Variants in SCARB1 observed in about 807,000 individuals in gnomAD.
SCARB1 encodes scavenger receptor class B member 1.
In SCARB1, 30 loss-of-function variants were observed where a neutral mutation model predicts 57.2. The ratio of observed to expected loss-of-function variants is 0.52; its 90% confidence interval spans 0.39 to 0.71. The LOEUF (loss-of-function observed/expected upper bound fraction) is 0.71. SCARB1 is among the 30% of genes least tolerant of loss of function. SCARB1 has a pLI of 0.00. For synonymous variants in SCARB1, 249 were observed against 268.3 expected, an observed-to-expected ratio of 0.93 and a Z score of 0.70; for missense variants, 543 against 671.2, an observed-to-expected ratio of 0.81 and a Z score of 2.11.
Position 124,817,111 on chromosome 12 carries a change from C to CATGT in SCARB1, c.284+438_284+439insACAT, listed in dbSNP as rs1950759619. 7.0e-6 allele frequency among the ~76,000 whole-genome samples: 1 copy of CATGT among 142,362 alleles called. No homozygotes were observed. The highest frequency in any genetic ancestry group is 1.5e-5 in the Non-Finnish European group (1 of 64,530). The allele number at this position is 142,362 out of a possible 152,430, so 93.4% of individuals were successfully genotyped here. On this transcript the variant is annotated intron_variant, in intron 2 of 12. Transcript: ENST00000261693. This position sits in a 1 kb window ranked among gnomAD's most constrained non-coding sequence, Gnocchi z 4.8. ...GTATGTGTGTGTGTATGTGTATGTACGTGTGTATGTATGTATGTGTGTATG... is the reference window on the plus strand; with the variant it reads ...GTATGTGTGTGTGTATGTGTATGTACATGTGTGTGTATGTATGTATGTGTGTATG...
rs533689340 is a variant in SCARB1, at chr12:124,802,431, C to T, written c.1010-2189G>A. ...ACCTTCTGAAGCCATCCCAAGCACCCGCAGGGACAGTGTCCTCCACAATCT... is the reference window on the plus strand; with the variant it reads ...ACCTTCTGAAGCCATCCCAAGCACCTGCAGGGACAGTGTCCTCCACAATCT... On this transcript the variant is annotated intron_variant, in intron 7 of 12. Coordinates refer to ENST00000261693, the MANE Select transcript of SCARB1 (RefSeq NM_005505.5). 3.3e-5 allele frequency among the ~76,000 whole-genome samples: 5 copies of T among 152,182 alleles called. No homozygotes were observed. The East Asian group carries it at 5.8e-4, about 18-fold the overall frequency.
In SCARB1 at chr12:124,817,612, G is replaced by T; in HGVS notation, c.222C>A (p.Asn74Lys). ...YLSVYFFDVM[N>K]PSEILKGEKP... is the part of the protein sequence containing the mutation. ...TCTCGCCCTTCAGGATCTCGCTGGGGTTCATGACGTCAAAGAAGTAGACGG... is the reference window on the plus strand; with the variant it reads ...TCTCGCCCTTCAGGATCTCGCTGGGTTTCATGACGTCAAAGAAGTAGACGG... Residue 74 changes from asparagine to lysine, a missense_variant, in exon 2 of 13, where the codon AAC becomes AAA. Coordinates refer to ENST00000261693, the MANE Select transcript of SCARB1 (RefSeq NM_005505.5). This position sits in a 1 kb window ranked among gnomAD's most constrained non-coding sequence, Gnocchi z 4.8. 6.2e-7 allele frequency: 1 copy of T among 1,614,230 alleles called. No homozygotes were observed. The highest frequency in any genetic ancestry group is 8.5e-7 in the Non-Finnish European group (1 of 1,180,036).
chr12:124,821,608 T>A (rs191350030), intron 1 of SCARB1: 2 of 897,680 alleles, frequency 2.2e-6, no homozygotes, highest in African/African-American at 3.6e-5. Context: ...TGATCAGGGA[T>A]GGGTCACTGA....
At chr12:124,803,715 AT>A (rs60278722) in intron 7 of SCARB1, among the ~76,000 whole-genome samples, 1,465 of 73,528 alleles carry the variant, frequency 0.02, 88 homozygotes, top group Middle Eastern at 0.027. Context: ...AAAAAAAAAA[AT>A]TGAAATAAGA....
At chr12:124,823,839 T>C (rs1387754734) in intron 1 of SCARB1, among the ~76,000 whole-genome samples, 1 of 151,804 alleles carries the variant, frequency 6.6e-6, no homozygotes, top group Non-Finnish European at 1.5e-5. Flanking sequence ...AAAAAAGAAA[T>C]GTATTTAAAG....
chr12:124,799,711 C>T (rs1950068630), intron 8 of SCARB1, among the ~76,000 whole-genome samples: 1 of 151,982 alleles, frequency 6.6e-6, no homozygotes. Context: ...GGGAGGGCCA[C>T]ATGTCCAGCT....
chr12:124,795,156 C>T, intron 9 of SCARB1, 39 bp downstream of exon 9: 1 of 1,544,970 alleles, frequency 6.5e-7, no homozygotes, highest in Non-Finnish European at 8.9e-7. Flanking sequence ...CCTAATCTCT[C>T]AATGAGCAAT....
rs568765469 is a variant in SCARB1, at chr12:124,782,009, G to A, written c.*674C>T. Among the ~76,000 whole-genome samples the A allele has an allele frequency of 1.4e-3, 209 of 152,236 alleles. 2 individuals are homozygous for A. The highest frequency in any genetic ancestry group is 4.8e-3 in the African/African-American group (199 of 41,540). On this transcript the variant is annotated intron_variant, in intron 12 of 12. Transcript: ENST00000261693. ...CAACCTCCATCTCCCGGGTTCAAGC[G>A]ATTCTCCTGCCTCAGCCTCCTGAGT...
At chr12:124,840,832 C>T (rs1365655097) in intron 1 of SCARB1, among the ~76,000 whole-genome samples, 2 of 152,156 alleles carry the variant, frequency 1.3e-5, no homozygotes, top group African/African-American at 4.8e-5. Context: ...TCCAGCCTGG[C>T]CCCCGACACT....
rs1280057201 is a variant in SCARB1 at position 124,817,369 on chromosome 12, A to AC, written c.284+180_284+181insG. Among the ~76,000 whole-genome samples, 2 of 151,114 alleles carry AC rather than the reference A, an allele frequency of 1.3e-5. No individual in the cohort carries two copies. Among genetic ancestry groups the AC allele is most frequent in the Admixed American group, 6.6e-5 (1 of 15,194 alleles). On this transcript the variant is annotated intron_variant, in intron 2 of 12. Coordinates refer to ENST00000261693, the MANE Select transcript of SCARB1 (RefSeq NM_005505.5). The surrounding 1 kb of genome is among the most constrained non-coding windows in gnomAD (Gnocchi z 4.8). ...TCCCATCTCTAAAAAAAAAAAAAAA[A>AC]AAAAAAAAAACCCTAAAACAAAAAC...
chr12:124,863,523 C>G (rs952215752), intron 1 of SCARB1, 72 bp downstream of exon 1: 4 of 1,520,348 alleles, frequency 2.6e-6, no homozygotes, highest in African/African-American at 1.4e-5. Flanking sequence ...CCGCAACGCG[C>G]GGGTCCTCCC....
At chr12:124,793,011 C>T (rs1028916808) in intron 9 of SCARB1, among the ~76,000 whole-genome samples, 6 of 152,164 alleles carry the variant, frequency 3.9e-5, no homozygotes, top group South Asian at 4.1e-4. Flanking sequence ...GGGCTGCAAA[C>T]GCCTCTTCCA....
chr12:124,809,236 G>GGA (rs2135650525), intron 6 of SCARB1, among the ~76,000 whole-genome samples: 1 of 152,174 alleles, frequency 6.6e-6, no homozygotes, highest in East Asian at 1.9e-4. Flanking sequence ...TGGGTGAAGG[G>GGA]GAGACGGGGG....
chr12:124,816,393 G>A (rs931639603), intron 2 of SCARB1, among the ~76,000 whole-genome samples: 4 of 152,234 alleles, frequency 2.6e-5, no homozygotes, highest in African/African-American at 7.2e-5. Flanking sequence ...TCTGTCCACT[G>A]CTGGGTCCCC....
At chr12:124,787,188 G>T (rs1295019363) in intron 10 of SCARB1, among the ~76,000 whole-genome samples, 1 of 152,176 alleles carries the variant, frequency 6.6e-6, no homozygotes, top group African/African-American at 2.4e-5. Flanking sequence ...TGCAGCTTCT[G>T]TCTTCCCCAT....
chr12:124,858,756 G>T (rs1449061719), intron 1 of SCARB1, among the ~76,000 whole-genome samples: 1 of 152,000 alleles, frequency 6.6e-6, no homozygotes, highest in Non-Finnish European at 1.5e-5. Flanking sequence ...GCGGGCGCCT[G>T]TAGTCCCAGC....
intron 9 of SCARB1, among the ~76,000 whole-genome samples, chr12:124,788,998 G>C (rs1344046807): frequency 6.6e-6 from 1 of 152,086 alleles, no homozygotes; most frequent in Non-Finnish European, 1.5e-5. Context: ...GGGATGGCGG[G>C]GAGTCACAGG....
chr12:124,793,549 C>T (rs1250375022), intron 9 of SCARB1, among the ~76,000 whole-genome samples: 1 of 152,038 alleles, frequency 6.6e-6, no homozygotes, highest in African/African-American at 2.4e-5. Context: ...AAAAATTAGC[C>T]GGGCACGGTG....
intron 1 of SCARB1, among the ~76,000 whole-genome samples, chr12:124,855,925 C>T (rs577460860): frequency 2.0e-5 from 3 of 152,358 alleles, no homozygotes; most frequent in African/African-American, 7.2e-5. Flanking sequence ...AGGAAAAACA[C>T]CTTCATGGAG....
Sources: allele counts gnomAD v4.1 joint callset (sites outside exome capture counted in the v4.1 genomes callset), GRCh38; gene constraint gnomAD v4.1.1; non-coding constraint Gnocchi (gnomAD v3.1); transcripts MANE v1.5; gene names NCBI Gene and HGNC (gene_info 2026-07-23, HGNC 2026-07-21).